Variants in KDR observed in about 807,000 individuals in gnomAD.
KDR encodes vascular endothelial growth factor receptor 2.
KDR carries 43 observed loss-of-function variants against 160.9 expected under a neutral mutation model. The ratio of observed to expected loss-of-function variants is 0.27; its 90% CI spans 0.21 to 0.34. KDR has a LOEUF of 0.34. Ranked by LOEUF, KDR falls within the 10% of genes least tolerant of loss-of-function variation. The pLI is 1.00. For synonymous variants in KDR, 617 were observed against 600.1 expected (o/e 1.03, Z -0.41); for missense variants, 1,469 against 1,666.4 (o/e 0.88, Z 2.06).
In KDR at chr4:55,089,970, C is replaced by G. The variant is rs2110011516; in HGVS notation, c.3178G>C (p.Val1060Leu). 1 of 1,614,168 alleles carries G rather than the reference C, an allele frequency of 6.2e-7. No homozygotes were observed. The highest frequency in any genetic ancestry group is 1.1e-5 in the South Asian group (1 of 91,088). ...ARDIYKDPDYVRKGDARLPLK... is the reference protein window; with the variant it reads ...ARDIYKDPDYLRKGDARLPLK... ...TTGAAACTTACATCTCCTTTTCTGA[C>G]ATAATCTGGATCTTTATAAATATCC... is the stretch of plus-strand genomic sequence containing the variant. The change falls in exon 23 of 30, where the codon GTC becomes CTC. Residue 1060 changes from valine (V) to leucine (L), a missense_variant. Val to Leu is a conservative substitution (Grantham distance 32, BLOSUM62 1). This residue lies in a region of KDR where 132 missense variants were observed against 195.9 expected (regional missense o/e 0.67). Coordinates refer to ENST00000263923, the MANE Select transcript of KDR (RefSeq NM_002253.4).
At chr4:55,111,592 A>T (rs3943404) in intron 7 of KDR, among the ~76,000 whole-genome samples, 56,026 of 151,944 alleles carry the variant, frequency 0.37, 10,826 homozygotes, top group East Asian at 0.45. Context: ...CTCCCAACTG[A>T]CCTCCTTATT....
chr4:55,108,429 GT>G (rs1156335516), intron 9 of KDR, among the ~76,000 whole-genome samples: 8 of 152,116 alleles, frequency 5.3e-5, no homozygotes, highest in Non-Finnish European at 1.2e-4. Context: ...GCCAAGCATT[GT>G]TTGAAGTGCT....
At chr4:55,119,540 G>A (rs1288547689) in intron 2 of KDR, among the ~76,000 whole-genome samples, 1 of 152,164 alleles carries the variant, frequency 6.6e-6, no homozygotes, top group Admixed American at 6.5e-5. Flanking sequence ...AAAGAAAAGA[G>A]TAAAGAATTT....
chr4:55,108,003 A>G, intron 9 of KDR, 110 bp from the exon 10 acceptor site: 1 of 1,279,934 alleles, frequency 7.8e-7, no homozygotes, highest in Non-Finnish European at 1.1e-6. Context: ...TTTTGCTTCC[A>G]CTTTCTTTTT....
chr4:55,101,657 A>G (rs187581724), intron 15 of KDR, among the ~76,000 whole-genome samples: 10 of 152,182 alleles, frequency 6.6e-5, no homozygotes, highest in South Asian at 4.2e-4. Context: ...CTTCTCCCCA[A>G]CCCACAGTAG....
intron 1 of KDR, among the ~76,000 whole-genome samples, chr4:55,124,689 A>G (rs1177513137): frequency 3.5e-5 from 1 of 28,434 alleles, no homozygotes; most frequent in Non-Finnish European, 7.3e-5. Context: ...TCCGCTCCAG[A>G]CCCCACTTCA....
At chr4:55,119,884 A>G (rs956005323) in intron 2 of KDR, among the ~76,000 whole-genome samples, 4 of 152,234 alleles carry the variant, frequency 2.6e-5, no homozygotes, top group Non-Finnish European at 4.4e-5. Context: ...TTGGCCCTTC[A>G]TTCAAAGAAC....
At chr4:55,120,230 T>C (rs28453800) in intron 2 of KDR, among the ~76,000 whole-genome samples, 4,529 of 152,256 alleles carry the variant, frequency 0.03, 226 homozygotes, top group African/African-American at 0.1. Context: ...TATGAAGCAA[T>C]GGCAATAACC....
chr4:55,124,971 T>C (rs7666097), intron 1 of KDR, among the ~76,000 whole-genome samples: 150,927 of 152,306 alleles, frequency 0.99, 74,790 homozygotes, highest in Middle Eastern at 1. Context: ...TCTCAGGACA[T>C]GCTCCAGCCG....
rs766771399 is a variant in KDR at position 55,118,713 on chromosome 4, G to C, written c.249C>G (p.Leu83=). 1 of 1,614,098 alleles carries C rather than the reference G, an allele frequency of 6.2e-7. No homozygotes were observed. Among genetic ancestry groups the C allele is most frequent in the Admixed American group, 1.7e-5 (1 of 60,018 alleles). Residue 83 remains leucine (L), a synonymous_variant, in exon 3 of 30, where the codon CTC becomes CTG. Coordinates refer to ENST00000263923, the MANE Select transcript of KDR (RefSeq NM_002253.4). ...TTGGAATTGTGAGTGTCTTACAGAA[G>C]AGGCCATCGCTGCACTCAGTCACCT... ...RVEVTECSDG[L]FCKTLTIPKV...
chr4:55,117,849 T>C (rs1239798436), intron 3 of KDR, among the ~76,000 whole-genome samples: 3 of 152,210 alleles, frequency 2.0e-5, no homozygotes, highest in Non-Finnish European at 4.4e-5. Flanking sequence ...ATTAGTTAAG[T>C]TAGGTTTTCA....
rs2110022935 is a variant in KDR, at chr4:55,104,727, G to T, written c.1903C>A (p.Gln635Lys). 2 of 1,613,730 alleles carry T rather than the reference G, an allele frequency of 1.2e-6. No homozygotes were observed. Among genetic ancestry groups the T allele is most frequent in the Non-Finnish European group, 1.7e-6 (2 of 1,179,782 alleles). ...AGGCAGACATAGTCTCCTTGGTCCT[G>T]CAAGGATGCATTCTTAAGCTCCATG... Reference protein sequence around the residue: ...LIMELKNASLQDQGDYVCLAQ... With the variant: ...LIMELKNASLKDQGDYVCLAQ... The change falls in exon 13 of 30, where the codon CAG (glutamine) becomes AAG (lysine). Residue 635 changes from glutamine to lysine, a missense_variant. By Grantham distance (53) the Gln-to-Lys change is moderately conservative (BLOSUM62 1). Transcript: ENST00000263923.
chr4:55,092,544 G>C, intron 22 of KDR, 73 bp downstream of exon 22: 1 of 1,053,194 alleles, frequency 9.5e-7, no homozygotes, highest in South Asian at 1.3e-5. Context: ...AAGCACCAAT[G>C]GCTGACACTG....
At chr4:55,087,166 A>G (rs56336304) in intron 27 of KDR, among the ~76,000 whole-genome samples, 2,396 of 152,308 alleles carry the variant, frequency 0.016, 55 homozygotes, top group African/African-American at 0.056. Flanking sequence ...ACACAGACCC[A>G]TGGCTTTCTG....
At position 55,125,491 on chromosome 4, in the gene KDR, A is replaced by C. The variant is rs572765398; in HGVS notation, c.-198T>G. The C allele has an allele frequency of 2.5e-5, 16 of 631,606 alleles. No homozygotes were observed. The African/African-American group carries it at 2.9e-4, about 12-fold the overall frequency. The allele number at this position is 631,606 out of a possible 1,614,324, so 39.1% of individuals were successfully genotyped here. On this transcript the variant is annotated 5_prime_UTR_variant, in exon 1 of 30. Transcript: ENST00000263923. ...CGGGTGCCGGTAGGAGAGGATATCC[A>C]GGCTGCCAGACGGACTTTCTGCGGC...
In KDR at chr4:55,079,688, G is replaced by A. The variant is rs988539347; in HGVS notation, c.*253C>T. The A allele has an allele frequency of 3.6e-6, 2 of 552,896 alleles. No individual in the cohort carries two copies. The highest frequency in any genetic ancestry group is 1.9e-5 in the African/African-American group (1 of 53,094). 34.2% of individuals were successfully genotyped at this position (552,896 alleles called of 1,614,324 possible). The stretch of plus-strand genomic sequence containing the variant: ...TGGTGAGACCCGCAGCAGGGGGCAT[G>A]ATAAATGCTTTTTAAATGAATGAAA... On this transcript the variant is annotated 3_prime_UTR_variant, in exon 30 of 30. Transcript: ENST00000263923.
At chr4:55,089,203 T>C (rs1364087352) in intron 25 of KDR, among the ~76,000 whole-genome samples, 171 bp downstream of exon 25, 1 of 152,190 alleles carries the variant, frequency 6.6e-6, no homozygotes, top group Non-Finnish European at 1.5e-5. Context: ...AATAAAGTAC[T>C]ATCTTTTCAA....
intron 29 of KDR, 115 bp from the exon 30 acceptor site, chr4:55,080,278 C>T: frequency 1.2e-6 from 1 of 835,714 alleles, no homozygotes; most frequent in Non-Finnish European, 2.0e-6. Flanking sequence ...GACCGCAGCC[C>T]CGTATCTCTC....
chr4:55,110,303 G>T, intron 9 of KDR, 100 bp downstream of exon 9: 1 of 1,235,944 alleles, frequency 8.1e-7, no homozygotes, highest in Non-Finnish European at 1.2e-6. Context: ...GCCATGATAT[G>T]AGTGAAGCAG....
Sources: gnomAD v4.1 joint callset for allele counts (sites outside exome capture counted in the v4.1 genomes callset) on GRCh38, gnomAD v4.1.1 for gene constraint, gnomAD v4.1.1 regional missense constraint, MANE v1.5 for transcripts, NCBI Gene and HGNC (gene_info 2026-07-23, HGNC 2026-07-21) for gene names.